Variants in UCHL5 observed in about 807,000 individuals in gnomAD.
UCHL5 encodes the protein ubiquitin C-terminal hydrolase L5, also known as ubiquitin carboxyl-terminal hydrolase isozyme L5.
In UCHL5, 34 loss-of-function variants were observed where a neutral mutation model predicts 53.8. The ratio of observed to expected loss-of-function variants is 0.63; its 90% confidence interval spans 0.48 to 0.84. UCHL5 has a LOEUF of 0.84. Ranked by LOEUF, UCHL5 falls within the 40% of genes least tolerant of loss-of-function variation. UCHL5 has a pLI of 0.00. For synonymous variants in UCHL5, 111 were observed against 126.3 expected (o/e 0.88, Z 0.81); for missense variants, 290 against 385.6 (o/e 0.75, Z 2.08).
At chr1:193,030,411 G>A (rs749634836) in intron 3 of UCHL5, among the ~76,000 whole-genome samples, 2 of 152,222 alleles carry the variant, frequency 1.3e-5, no homozygotes, top group African/African-American at 2.4e-5. Flanking sequence ...AGGGCACACA[G>A]CTGATCTTGT....
At chr1:193,046,387 T>G (rs1667327298) in intron 3 of UCHL5, among the ~76,000 whole-genome samples, 1 of 152,074 alleles carries the variant, frequency 6.6e-6, no homozygotes, top group Non-Finnish European at 1.5e-5. Flanking sequence ...ACTAAAAGAT[T>G]AATTAATTAA....
Position 193,016,226 on chromosome 1 carries a change from A to T in UCHL5, c.*125T>A. ...TATGAATCCATGCATTAAAGACAAG[A>T]CAGGCTGGCACTATTGCCAAACGTG... On this transcript the variant is annotated 3_prime_UTR_variant, in exon 11 of 11. Transcript: ENST00000367454. 3 of 1,028,240 alleles carry T rather than the reference A, an allele frequency of 2.9e-6. No individual in the cohort carries two copies. The East Asian group carries it at 7.7e-5, about 26-fold the overall frequency. 63.7% of individuals were successfully genotyped at this position (1,028,240 alleles called of 1,614,324 possible).
At chr1:193,040,954 G>T (rs1208131774) in intron 3 of UCHL5, among the ~76,000 whole-genome samples, 4 of 152,198 alleles carry the variant, frequency 2.6e-5, no homozygotes, top group Non-Finnish European at 5.9e-5. Context: ...CTTCAGGATA[G>T]AAAGTAGACT....
intron 3 of UCHL5, among the ~76,000 whole-genome samples, chr1:193,029,903 C>A (rs1660733692): frequency 6.6e-6 from 1 of 152,142 alleles, no homozygotes; most frequent in African/African-American, 2.4e-5. Flanking sequence ...AAAAACCAAT[C>A]CAGTTAGGGT....
At chr1:193,058,065 A>G (rs1279786438) in intron 1 of UCHL5, among the ~76,000 whole-genome samples, 4 of 141,496 alleles carry the variant, frequency 2.8e-5, no homozygotes, top group Non-Finnish European at 6.3e-5. Flanking sequence ...TGTCTCTACT[A>G]AAAAAAAAAA....
intron 3 of UCHL5, among the ~76,000 whole-genome samples, chr1:193,033,735 G>A (rs1662371900): frequency 1.3e-5 from 2 of 151,962 alleles, no homozygotes; most frequent in Admixed American, 1.3e-4. Flanking sequence ...AAAAAGGGAT[G>A]AACACCAGAA....
intron 3 of UCHL5, among the ~76,000 whole-genome samples, chr1:193,030,073 G>C (rs946138389): frequency 1.9e-4 from 29 of 152,114 alleles, no homozygotes. Flanking sequence ...TGATTGTAGA[G>C]AAATTCTGAA....
At chr1:193,018,460 A>T (rs1655633602) in intron 10 of UCHL5, 1 of 848,638 alleles carries the variant, frequency 1.2e-6, no homozygotes, top group African/African-American at 1.8e-5. Context: ...TTGGTACATA[A>T]TACAAGAAGT....
rs1018088024 is a variant in UCHL5 at position 193,022,864 on chromosome 1, T to C, written c.843+62A>G. 37 of 1,189,408 alleles carry C rather than the reference T, an allele frequency of 3.1e-5. No individual in the cohort carries two copies. In the African/African-American group the frequency reaches 5.4e-4, roughly 17 times the overall value. The allele number at this position is 1,189,408 out of a possible 1,614,324, so 73.7% of individuals were successfully genotyped here. On this transcript the variant is annotated intron_variant, in intron 9 of 10. Coordinates refer to ENST00000367454, the MANE Select transcript of UCHL5 (RefSeq NM_001199261.3). ...AAAGCCATCAGATATTCAATGTACC[T>C]TCATCTTGAAATATACTGCTCTATA...
chr1:193,036,353 A>G (rs1663464702), intron 3 of UCHL5, among the ~76,000 whole-genome samples: 1 of 150,130 alleles, frequency 6.7e-6, no homozygotes, highest in African/African-American at 2.4e-5. Flanking sequence ...GAACAGGAGT[A>G]CTATCCTTAT....
chr1:193,032,313 T>C (rs1320762689), intron 3 of UCHL5, among the ~76,000 whole-genome samples: 1 of 152,190 alleles, frequency 6.6e-6, no homozygotes, highest in Admixed American at 6.5e-5. Context: ...TTGGGAAAAC[T>C]GGCTAGCCAT....
At chr1:193,018,651 T>G in intron 10 of UCHL5, 1 of 1,258,658 alleles carries the variant, frequency 7.9e-7, no homozygotes, top group Non-Finnish European at 1.0e-6. Flanking sequence ...TAAAAAGATT[T>G]TAGGTCAAAT....
At chr1:193,059,732 C>T (rs1256019711), upstream of UCHL5, 1 of 1,352,444 alleles carries the variant, frequency 7.4e-7, no homozygotes. This position sits in a 1 kb window ranked among gnomAD's most constrained non-coding sequence, Gnocchi z 4.9. Flanking sequence ...CGCAGGACTT[C>T]TCCTGGCGGC....
Position 193,013,830 on chromosome 1 carries a change from T to C in UCHL5, c.*2521A>G, listed in dbSNP as rs1162021217. On this transcript the variant is annotated 3_prime_UTR_variant, in exon 11 of 11. Coordinates refer to ENST00000367454, the MANE Select transcript of UCHL5 (RefSeq NM_001199261.3). ...GGGAGCAAGTCCCCGTGGTTGTGATTCCCGAGCAAATATTTGTCTGTTTTA... is the reference window on the plus strand; with the variant it reads ...GGGAGCAAGTCCCCGTGGTTGTGATCCCCGAGCAAATATTTGTCTGTTTTA... 6.6e-6 allele frequency: 1 copy of C among 152,160 alleles called. No individual in the cohort carries two copies. The highest frequency in any genetic ancestry group is 6.6e-5 in the Admixed American group (1 of 15,262). The allele number at this position is 152,160 out of a possible 1,614,324, so 9.4% of individuals were successfully genotyped here.
chr1:193,051,735 C>A lies in UCHL5; in HGVS notation c.140+19G>T, dbSNP rs1421347653. ...AAGTATATATATATACATATTAACA[C>A]AACTAAAATTATACTTACTTTAATT... On this transcript the variant is annotated intron_variant, in intron 2 of 10. Transcript: ENST00000367454. The A allele has an allele frequency of 6.8e-7, 1 of 1,469,562 alleles. No homozygotes were observed. The highest frequency in any genetic ancestry group is 9.4e-7 in the Non-Finnish European group (1 of 1,066,016). The allele number at this position is 1,469,562 out of a possible 1,614,324, so 91.0% of individuals were successfully genotyped here.
chr1:193,037,435 G>T (rs1663940883), intron 3 of UCHL5, among the ~76,000 whole-genome samples: 2 of 152,054 alleles, frequency 1.3e-5, no homozygotes, highest in South Asian at 4.2e-4. Context: ...ACTGAACCAG[G>T]AAGGAATAAA....
chr1:193,047,345 A>G (rs994253647), intron 3 of UCHL5, among the ~76,000 whole-genome samples: 2 of 152,122 alleles, frequency 1.3e-5, no homozygotes, highest in South Asian at 2.1e-4. Flanking sequence ...GTTCATCACT[A>G]TATTTATATT....
chr1:193,022,205 G>A (rs148180364), intron 9 of UCHL5, among the ~76,000 whole-genome samples: 1 of 151,886 alleles, frequency 6.6e-6, no homozygotes, highest in Non-Finnish European at 1.5e-5. Context: ...CTAGTTTAAG[G>A]CCCATTCATT....
At chr1:193,029,057 T>C (rs1660398891) in intron 6 of UCHL5, 122 bp downstream of exon 6, 3 of 1,177,940 alleles carry the variant, frequency 2.5e-6, no homozygotes, top group Middle Eastern at 2.6e-4. Context: ...AAGGCCTTCA[T>C]TATATTATGT....
Sources: allele counts gnomAD v4.1 joint callset (sites outside exome capture counted in the v4.1 genomes callset), GRCh38; gene constraint gnomAD v4.1.1; non-coding constraint Gnocchi (gnomAD v3.1); transcripts MANE v1.5; gene names NCBI Gene and HGNC (gene_info 2026-07-23, HGNC 2026-07-21).